The following GMCL1 variants were observed in gnomAD, a reference collection of about 807,000 sequenced individuals.
GMCL1 encodes germ cell-less protein-like 1.
Under a neutral mutation model 75.5 loss-of-function variants are expected in GMCL1, and 54 were observed. That is an observed-to-expected ratio of 0.71 (90% CI 0.57 to 0.90). The LOEUF is 0.90. Among genes scored for constraint, GMCL1 ranks in the 40% least tolerant of loss-of-function variants. The pLI, the probability that GMCL1 is intolerant of heterozygous loss-of-function variation, is 0.00. For missense variants in GMCL1, 537 were observed against 622.7 expected (o/e 0.86, Z 1.47); for synonymous variants, 210 against 209.6 (o/e 1.00, Z -0.02).
intron 7 of GMCL1, among the ~76,000 whole-genome samples, chr2:69,848,963 C>T (rs566474777): frequency 6.6e-6 from 1 of 152,144 alleles, no homozygotes; most frequent in Non-Finnish European, 1.5e-5. Context: ...TTCCCATGTT[C>T]ATTTCTTGCT....
chr2:69,868,249 G>T (rs1248821104), intron 11 of GMCL1, among the ~76,000 whole-genome samples: 1 of 147,828 alleles, frequency 6.8e-6, no homozygotes, highest in Non-Finnish European at 1.5e-5. Flanking sequence ...AAAAAAAAAA[G>T]CTTTGCCCTT....
chr2:69,862,525 C>T (rs879449481), intron 10 of GMCL1, among the ~76,000 whole-genome samples: 5 of 151,828 alleles, frequency 3.3e-5, no homozygotes, highest in Admixed American at 6.6e-5. Flanking sequence ...TTTGGGAGGC[C>T]GGGGTGGGTG....
intron 13 of GMCL1, among the ~76,000 whole-genome samples, chr2:69,872,648 G>C (rs758827256): frequency 6.6e-6 from 1 of 152,058 alleles, no homozygotes; most frequent in Non-Finnish European, 1.5e-5. Flanking sequence ...TTACAGAGGG[G>C]GTCATCCACC....
intron 9 of GMCL1, among the ~76,000 whole-genome samples, chr2:69,856,313 G>A (rs944054879): frequency 9.9e-5 from 15 of 152,168 alleles, no homozygotes; most frequent in African/African-American, 3.6e-4. Context: ...TCAAAGTTAG[G>A]CGTTTGGCAA....
chr2:69,853,765 G>GA (rs35952158), intron 8 of GMCL1, among the ~76,000 whole-genome samples: 17 of 151,606 alleles, frequency 1.1e-4, no homozygotes, highest in Non-Finnish European at 1.5e-5. Context: ...CTCCCTAAAA[G>GA]AAAAAAAATT....
chr2:69,833,366 G>A (rs1477926211), intron 1 of GMCL1, among the ~76,000 whole-genome samples: 2 of 152,224 alleles, frequency 1.3e-5, no homozygotes, highest in African/African-American at 2.4e-5. Context: ...TGTAATCCCA[G>A]CACTTTGGGA....
chr2:69,872,321 T>C (rs1676004526), intron 13 of GMCL1, among the ~76,000 whole-genome samples: 1 of 152,202 alleles, frequency 6.6e-6, no homozygotes, highest in South Asian at 2.1e-4. Flanking sequence ...CAAAGCCATT[T>C]ATTTATTCAT....
At chr2:69,837,000 G>A (rs1025491556) in intron 1 of GMCL1, among the ~76,000 whole-genome samples, 2 of 152,092 alleles carry the variant, frequency 1.3e-5, no homozygotes, top group African/African-American at 4.8e-5. Context: ...TTGATCTAAG[G>A]TTGCAAACCG....
rs761438982 is a variant in GMCL1 at position 69,861,292 on chromosome 2, G to A, written c.1087G>A (p.Val363Met). 3 of 1,606,064 alleles carry A rather than the reference G, an allele frequency of 1.9e-6. No individual in the cohort carries two copies. The highest frequency in any genetic ancestry group is 3.5e-4 in the Middle Eastern group (2 of 5,736). Residue 363 changes from valine to methionine, a missense_variant, in exon 10 of 14, where the codon GTG (valine) becomes ATG (methionine). Around this residue, in one of 3 missense-constraint regions of GMCL1, gnomAD observed 345 missense variants for 410.5 expected, o/e 0.84. Coordinates refer to ENST00000282570, the MANE Select transcript of GMCL1 (RefSeq NM_178439.5). ...TTACATTTCAGAATGGCTCTCTTCT[G>A]TGTATAAACAGCAGTGGTTTGCTAT... is the stretch of plus-strand genomic sequence containing the variant. The part of the protein sequence containing the change: ...AVVPSEWLSS[V>M]YKQQWFAMLR...
chr2:69,832,123 A>C (rs1674690060), intron 1 of GMCL1, among the ~76,000 whole-genome samples: 1 of 152,012 alleles, frequency 6.6e-6, no homozygotes, highest in African/African-American at 2.4e-5. Flanking sequence ...CGGGACGCTG[A>C]GGCAGAAGAA....
intron 8 of GMCL1, among the ~76,000 whole-genome samples, chr2:69,851,667 G>C (rs879652214): frequency 1.3e-5 from 2 of 152,088 alleles, no homozygotes; most frequent in African/African-American, 4.8e-5. Flanking sequence ...CCAGCTACTG[G>C]GGGGAGGATC....
intron 2 of GMCL1, among the ~76,000 whole-genome samples, chr2:69,838,533 C>T (rs1231544926): frequency 6.6e-6 from 1 of 152,006 alleles, no homozygotes; most frequent in Non-Finnish European, 1.5e-5. Flanking sequence ...AGAATAATTA[C>T]TGGTAAGACA....
chr2:69,838,434 A>G (rs773264641), intron 2 of GMCL1, among the ~76,000 whole-genome samples: 1 of 151,088 alleles, frequency 6.6e-6, no homozygotes, highest in Non-Finnish European at 1.5e-5. Context: ...TCTTTCATCA[A>G]ATCTATAAGC....
Position 69,837,652 on chromosome 2 carries a change from C to T in GMCL1, c.366C>T (p.His122=), listed in dbSNP as rs1292058172. The T allele has an allele frequency of 6.3e-7, 1 of 1,597,652 alleles. No individual in the cohort carries two copies. ...CTCTAGGAGAAGAATGGAGCTTACA[C>T]AAAATATATTTATGTCAAGTAAGTA... ...ICALGEEWSL[H]KIYLCQSGYF... is the part of the protein sequence containing the mutation. Residue 122 remains histidine, a synonymous_variant, in exon 2 of 14, where the codon CAC becomes CAT. Transcript: ENST00000282570.
chr2:69,837,564 C>T lies in GMCL1; in HGVS notation c.278C>T (p.Thr93Ile), dbSNP rs746522186. 6.4e-7 allele frequency: 1 copy of T among 1,571,586 alleles called. No homozygotes were observed. Among genetic ancestry groups the T allele is most frequent in the Non-Finnish European group, 8.6e-7 (1 of 1,157,372 alleles). The part of the protein sequence containing the change: ...NTPRRKKLKS[T>I]SKYIYQTLFL... ...TTTAACAGGAAAAAATTAAAGAGTA[C>T]ATCTAAATATATTTATCAAACATTA... The change falls in exon 2 of 14, where the codon ACA becomes ATA. Residue 93 changes from threonine (T) to isoleucine (I), a missense_variant. Thr to Ile is a moderately conservative substitution (Grantham distance 89). Transcript: ENST00000282570.
Position 69,873,138 on chromosome 2 carries a change from AG to A in GMCL1, c.1452+1309del, listed in dbSNP as rs559131952. Among the ~76,000 whole-genome samples, 9 of 152,316 alleles carry A rather than the reference AG, an allele frequency of 5.9e-5. No individual in the cohort carries two copies. In the South Asian group the frequency reaches 1.9e-3, roughly 32 times the overall value. On this transcript the variant is annotated intron_variant, in intron 13 of 13. Transcript: ENST00000282570. ...GGAGGAGGAGAAAGAAAGACAGCTC[AG>A]GGAAAACATCCTCTCCTGGAAAAGT... is the stretch of plus-strand genomic sequence containing the variant.
chr2:69,829,734 A>G lies in GMCL1; in HGVS notation c.-159A>G, dbSNP rs28362672. On this transcript the variant is annotated 5_prime_UTR_variant, in exon 1 of 14. Coordinates refer to ENST00000282570, the MANE Select transcript of GMCL1 (RefSeq NM_178439.5). ...CGCGACCGGACGCTGCGGGCGGGGA[A>G]GAGGATGGAGACTGTGGCGTCCGCT... 0.26 allele frequency: 200,476 copies of G among 759,836 alleles called. 27,487 individuals are homozygous for G. Among genetic ancestry groups the G allele is most frequent in the East Asian group, 0.37 (12,131 of 33,086 alleles). The allele number at this position is 759,836 out of a possible 1,614,324, so 47.1% of individuals were successfully genotyped here. A position where few individuals can be genotyped will look rare whatever the true frequency, so the allele number is the denominator to read the frequency against.
At chr2:69,834,534 T>C (rs1447471952) in intron 1 of GMCL1, among the ~76,000 whole-genome samples, 1 of 152,236 alleles carries the variant, frequency 6.6e-6, no homozygotes, top group Non-Finnish European at 1.5e-5. Flanking sequence ...ACTTTCTTCA[T>C]ATCTTTGATG....
intron 1 of GMCL1, among the ~76,000 whole-genome samples, chr2:69,833,559 TG>T (rs1438997303): frequency 1.7e-4 from 26 of 152,354 alleles, no homozygotes; most frequent in South Asian, 6.2e-4. Flanking sequence ...GAGGTTGTAG[TG>T]AGCCAAGATT....
Sources: gnomAD v4.1 joint callset for allele counts (sites outside exome capture counted in the v4.1 genomes callset) on GRCh38, gnomAD v4.1.1 for gene constraint, gnomAD v4.1.1 regional missense constraint, MANE v1.5 for transcripts, NCBI Gene and HGNC (gene_info 2026-07-23, HGNC 2026-07-21) for gene names.